AKAP6: variants seen among roughly 807,000 people sequenced by gnomAD.
AKAP6 encodes A-kinase anchoring protein 6.
Under a neutral mutation model 188.5 loss-of-function variants are expected in AKAP6, and 58 were observed. That is an observed-to-expected ratio of 0.31 (90% CI 0.25 to 0.38). The LOEUF (loss-of-function observed/expected upper bound fraction) is 0.38. Ranked by LOEUF, AKAP6 falls within the 10% of genes least tolerant of loss-of-function variation. The probability of loss-of-function intolerance (pLI) is 1.00; values close to 1 mark genes in which losing one functional copy is unlikely to be tolerated. For missense variants in AKAP6, 2,710 were observed against 2,740.0 expected, an observed-to-expected ratio of 0.99 and a Z score of 0.24; for synonymous variants, 989 against 998.6, an observed-to-expected ratio of 0.99 and a Z score of 0.18.
At chr14:32,527,833 T>G (rs1164115737) in intron 2 of AKAP6, among the ~76,000 whole-genome samples, 1 of 152,216 alleles carries the variant, frequency 6.6e-6, no homozygotes, top group Non-Finnish European at 1.5e-5. Flanking sequence ...TTAAGACTTC[T>G]TTATATATTT....
intron 12 of AKAP6, among the ~76,000 whole-genome samples, chr14:32,819,336 CTA>C (rs1011907789): frequency 6.6e-6 from 1 of 152,104 alleles, no homozygotes; most frequent in Non-Finnish European, 1.5e-5. Flanking sequence ...TACCCTTTAA[CTA>C]TTAGTTTCAG....
intron 1 of AKAP6, among the ~76,000 whole-genome samples, chr14:32,341,582 A>G (rs1886891690): frequency 6.6e-6 from 1 of 152,208 alleles, no homozygotes; most frequent in Admixed American, 6.5e-5. Context: ...TTCTGCTTCT[A>G]TACTGCCAAC....
At chr14:32,585,360 G>T (rs1885186667) in intron 5 of AKAP6, among the ~76,000 whole-genome samples, 1 of 152,214 alleles carries the variant, frequency 6.6e-6, no homozygotes, top group South Asian at 2.1e-4. Flanking sequence ...AAGTATAGTT[G>T]CATAGATAGC....
In AKAP6 at chr14:32,823,479, C is replaced by G. The variant is rs757910253; in HGVS notation, c.5666C>G (p.Pro1889Arg). The G allele has an allele frequency of 1.2e-6, 2 of 1,613,554 alleles. No individual in the cohort carries two copies. Among genetic ancestry groups the G allele is most frequent in the South Asian group, 2.2e-5 (2 of 91,030 alleles). The change falls in exon 13 of 14, where the codon CCA (proline) becomes CGA (arginine). Residue 1889 changes from proline (P) to arginine (R), a missense_variant. Physicochemically the swap from Pro to Arg is moderately radical, Grantham distance 103. This residue lies in a region of AKAP6 where 2,473 missense variants were observed against 2,426.1 expected (regional missense o/e 1.02). Coordinates refer to ENST00000280979, the MANE Select transcript of AKAP6 (RefSeq NM_004274.5). ...ACTATTTTCAAAGTTAATAAAGATC[C>G]ATATGTGGCTGACATGGAAAATGGC... Reference protein sequence around the residue: ...KKTIFKVNKDPYVADMENGNI... With the variant: ...KKTIFKVNKDRYVADMENGNI...
intron 7 of AKAP6, among the ~76,000 whole-genome samples, chr14:32,628,897 C>A (rs1370356716): frequency 6.6e-6 from 1 of 151,842 alleles, no homozygotes; most frequent in Non-Finnish European, 1.5e-5. Context: ...TTAAGTTAAG[C>A]CAAATAAAAA....
At chr14:32,405,770 C>A (rs763595931) in intron 1 of AKAP6, among the ~76,000 whole-genome samples, 1 of 152,134 alleles carries the variant, frequency 6.6e-6, no homozygotes, top group Non-Finnish European at 1.5e-5. Flanking sequence ...CATTCTCTCT[C>A]CTGCCACCCT....
intron 2 of AKAP6, among the ~76,000 whole-genome samples, chr14:32,506,124 CAG>C (rs1293469929): frequency 6.6e-6 from 1 of 151,890 alleles, no homozygotes; most frequent in Non-Finnish European, 1.5e-5. Context: ...GCTTGGGTGA[CAG>C]AGTGAGACTC....
At chr14:32,536,492 A>G (rs1202969090) in intron 3 of AKAP6, among the ~76,000 whole-genome samples, 1 of 152,230 alleles carries the variant, frequency 6.6e-6, no homozygotes, top group Non-Finnish European at 1.5e-5. Flanking sequence ...AGCTGAGGTC[A>G]GATCATGAAG....
chr14:32,499,725 A>T (rs1346310581), intron 2 of AKAP6, among the ~76,000 whole-genome samples: 3 of 151,766 alleles, frequency 2.0e-5, no homozygotes, highest in African/African-American at 7.2e-5. Context: ...TTATAAAACT[A>T]AAAATGATAC....
chr14:32,370,448 A>G (rs1003542154), intron 1 of AKAP6, among the ~76,000 whole-genome samples: 6 of 152,240 alleles, frequency 3.9e-5, no homozygotes, highest in African/African-American at 1.4e-4. Context: ...TAATTACCAG[A>G]AGTGAACACA....
At position 32,808,799 on chromosome 14, in the gene AKAP6, A is replaced by G. The variant is rs540844086; in HGVS notation, c.3589-12603A>G. On this transcript the variant is annotated intron_variant, in intron 12 of 13. Transcript: ENST00000280979. ...TGTGTCATCACCGTAGCTCTAATCCATATTCAGGTCTTCATGTTTGGTGTG... is the reference window on the plus strand; with the variant it reads ...TGTGTCATCACCGTAGCTCTAATCCGTATTCAGGTCTTCATGTTTGGTGTG... Among the ~76,000 whole-genome samples, 5 of 152,234 alleles carry G rather than the reference A, an allele frequency of 3.3e-5. No homozygotes were observed. The South Asian group carries it at 8.3e-4, about 25-fold the overall frequency.
intron 5 of AKAP6, among the ~76,000 whole-genome samples, chr14:32,584,584 A>G (rs1319774290): frequency 2.6e-5 from 4 of 152,208 alleles, no homozygotes; most frequent in African/African-American, 7.2e-5. Flanking sequence ...GATAGTGAAC[A>G]TACTTATCAC....
chr14:32,660,440 C>G (rs1353834294), intron 7 of AKAP6, among the ~76,000 whole-genome samples: 2 of 152,032 alleles, frequency 1.3e-5, no homozygotes, highest in Non-Finnish European at 2.9e-5. Flanking sequence ...TGGGTTGTTC[C>G]TAATTGTGGG....
chr14:32,516,449 CAG>C (rs761788114), intron 2 of AKAP6, among the ~76,000 whole-genome samples: 67 of 152,270 alleles, frequency 4.4e-4, no homozygotes, highest in South Asian at 1.5e-3. Context: ...AAAGACAAAT[CAG>C]AGGTGAAACT....
At chr14:32,739,730 C>A (rs1229410558) in intron 11 of AKAP6, among the ~76,000 whole-genome samples, 1 of 152,032 alleles carries the variant, frequency 6.6e-6, no homozygotes, top group East Asian at 1.9e-4. Flanking sequence ...GAATAGTATT[C>A]CATTATGTAT....
chr14:32,453,399 A>G (rs1317776015), intron 2 of AKAP6, among the ~76,000 whole-genome samples: 2 of 151,914 alleles, frequency 1.3e-5, no homozygotes, highest in Non-Finnish European at 2.9e-5. Context: ...TTTTTTCTCT[A>G]TCCCTCAGAT....
At chr14:32,539,399 A>T (rs576344057) in intron 3 of AKAP6, among the ~76,000 whole-genome samples, 88 of 152,244 alleles carry the variant, frequency 5.8e-4, no homozygotes, top group Middle Eastern at 3.4e-3. Flanking sequence ...GGCACTTATA[A>T]TGGGCCAAAT....
In AKAP6 at chr14:32,600,713, G is replaced by C. The variant is rs1377075671; in HGVS notation, c.2651G>C (p.Arg884Thr). 6.2e-7 allele frequency: 1 copy of C among 1,613,564 alleles called. No individual in the cohort carries two copies. Among genetic ancestry groups the C allele is most frequent in the Admixed American group, 1.7e-5 (1 of 59,906 alleles). ...QIKRQHSWIL[R>T]ALDTIKAEIL... ...AAACGGCAGCACAGCTGGATTCTCA[G>C]GGCTCTGGATACCATCAAAGCCGAG... The change falls in exon 7 of 14, where the codon AGG (arginine) becomes ACG (threonine). Residue 884 changes from arginine (R) to threonine (T), a missense_variant. Physicochemically the swap from Arg to Thr is moderately conservative, Grantham distance 71. Around this residue, in one of 2 missense-constraint regions of AKAP6, gnomAD observed 2,473 missense variants for 2,426.1 expected, o/e 1.02. Coordinates refer to ENST00000280979, the MANE Select transcript of AKAP6 (RefSeq NM_004274.5).
At chr14:32,561,465 T>A (rs574079128) in intron 4 of AKAP6, among the ~76,000 whole-genome samples, 4 of 152,300 alleles carry the variant, frequency 2.6e-5, no homozygotes, top group African/African-American at 9.6e-5. Flanking sequence ...AGAGACTAAC[T>A]GTGAGGAATA....
Sources: allele counts gnomAD v4.1 joint callset (sites outside exome capture counted in the v4.1 genomes callset), GRCh38; gene constraint gnomAD v4.1.1; regional missense constraint gnomAD v4.1.1; transcripts MANE v1.5; gene names NCBI Gene and HGNC (gene_info 2026-07-23, HGNC 2026-07-21).